Variants in GPC5 observed in about 807,000 individuals in gnomAD.
GPC5 encodes glypican-5.
A neutral mutation model predicts 53.9 loss-of-function variants in GPC5; 47 were observed. The observed-to-expected ratio is 0.87, with a 90% CI of 0.69 to 1.11. The LOEUF (loss-of-function observed/expected upper bound fraction) is 1.11. Ranked by LOEUF, GPC5 falls within the 50% of genes most tolerant of loss-of-function variation. GPC5 has a pLI of 0.00. For synonymous variants in GPC5, 286 were observed against 263.3 expected (o/e 1.09, Z -0.84); for missense variants, 748 against 713.1 (o/e 1.05, Z -0.56).
intron 7 of GPC5, among the ~76,000 whole-genome samples, chr13:92,456,888 A>G (rs1461290063): frequency 1.4e-4 from 21 of 152,130 alleles, no homozygotes; most frequent in Admixed American, 1.4e-3. Context: ...GTACATGTGC[A>G]TGTTTGTTAC....
intron 6 of GPC5, among the ~76,000 whole-genome samples, chr13:91,982,551 A>G (rs1278086452): frequency 2.0e-5 from 3 of 152,218 alleles, no homozygotes; most frequent in Non-Finnish European, 4.4e-5. Flanking sequence ...GCTGAAGAGC[A>G]TTAACATACA....
At chr13:92,665,585 G>T (rs1886540804) in intron 7 of GPC5, among the ~76,000 whole-genome samples, 1 of 152,128 alleles carries the variant, frequency 6.6e-6, no homozygotes. Flanking sequence ...AAGAAATGTT[G>T]AAGGGTTGTC....
At chr13:92,468,248 C>T (rs1878777969) in intron 7 of GPC5, among the ~76,000 whole-genome samples, 2 of 152,046 alleles carry the variant, frequency 1.3e-5, no homozygotes, top group Admixed American at 1.3e-4. Context: ...TATTGCTTCC[C>T]TTCAAGGGAA....
intron 1 of GPC5, among the ~76,000 whole-genome samples, chr13:91,444,793 T>C (rs538422758): frequency 1.2e-3 from 187 of 152,326 alleles, no homozygotes; most frequent in African/African-American, 4.4e-3. Context: ...CCTTCTTTTC[T>C]ATCATGGGTC....
intron 2 of GPC5, among the ~76,000 whole-genome samples, chr13:91,676,681 C>A (rs1458022049): frequency 6.6e-6 from 1 of 152,152 alleles, no homozygotes; most frequent in Non-Finnish European, 1.5e-5. Flanking sequence ...AACAGTGAAA[C>A]AGGCTTCGTG....
At chr13:92,128,194 G>T (rs544100652) in intron 6 of GPC5, among the ~76,000 whole-genome samples, 7 of 152,032 alleles carry the variant, frequency 4.6e-5, no homozygotes, top group Non-Finnish European at 8.8e-5. Flanking sequence ...CTCCTATATG[G>T]TTCTCAGGGT....
At chr13:92,846,523 A>C (rs73630971) in intron 7 of GPC5, among the ~76,000 whole-genome samples, 114 of 152,310 alleles carry the variant, frequency 7.5e-4, no homozygotes, top group Middle Eastern at 3.4e-3. Flanking sequence ...TGGCATCCAC[A>C]ATCACTGCTG....
intron 2 of GPC5, among the ~76,000 whole-genome samples, chr13:91,556,427 C>T (rs896285855): frequency 1.3e-5 from 2 of 151,782 alleles, no homozygotes; most frequent in Non-Finnish European, 2.9e-5. Flanking sequence ...TACTTGCACA[C>T]CCATGTTTAT....
chr13:92,375,588 C>T (rs2043687728), intron 7 of GPC5, among the ~76,000 whole-genome samples: 2 of 152,170 alleles, frequency 1.3e-5, no homozygotes, highest in South Asian at 4.1e-4. Context: ...GAGAAACAGG[C>T]CTGTATATGA....
chr13:92,234,680 G>A lies in GPC5; in HGVS notation c.1561+89691G>A, dbSNP rs78406472. On this transcript the variant is annotated intron_variant, in intron 7 of 7. Coordinates refer to ENST00000377067, the MANE Select transcript of GPC5 (RefSeq NM_004466.6). ...ATAAGGGTTACTTTATTAATTGTATGGATCCATTGCAGCATCAATTCCCTG... is the reference window on the plus strand; with the variant it reads ...ATAAGGGTTACTTTATTAATTGTATAGATCCATTGCAGCATCAATTCCCTG... Among the ~76,000 whole-genome samples the A allele has an allele frequency of 3.2e-4, 48 of 152,128 alleles. No homozygotes were observed. The East Asian group carries it at 6.8e-3, about 21-fold the overall frequency.
At chr13:91,442,025 G>C (rs892541662) in intron 1 of GPC5, among the ~76,000 whole-genome samples, 1 of 152,136 alleles carries the variant, frequency 6.6e-6, no homozygotes, top group Non-Finnish European at 1.5e-5. Context: ...CTAGAGGAGA[G>C]GTAAATGTTG....
intron 2 of GPC5, among the ~76,000 whole-genome samples, chr13:91,488,999 C>T (rs542775063): frequency 6.6e-6 from 1 of 152,284 alleles, no homozygotes; most frequent in East Asian, 1.9e-4. Flanking sequence ...TCCTGTAGCA[C>T]TCCCAGGCTT....
chr13:92,013,645 G>A (rs1208442164), intron 6 of GPC5, among the ~76,000 whole-genome samples: 2 of 152,098 alleles, frequency 1.3e-5, no homozygotes, highest in East Asian at 3.9e-4. Context: ...TTTCACCAGG[G>A]ACCTGCCCCT....
At chr13:91,452,668 T>A (rs1399688342) in intron 2 of GPC5, among the ~76,000 whole-genome samples, 4 of 152,116 alleles carry the variant, frequency 2.6e-5, no homozygotes, top group Non-Finnish European at 5.9e-5. Context: ...TAGGGGAAAT[T>A]GATGGAGAGT....
At chr13:91,496,229 G>A (rs988646979) in intron 2 of GPC5, among the ~76,000 whole-genome samples, 4 of 152,124 alleles carry the variant, frequency 2.6e-5, no homozygotes, top group Non-Finnish European at 1.5e-5. Flanking sequence ...TATTCAGTAG[G>A]TGGCATGTTA....
At chr13:91,765,650 A>G (rs886436490) in intron 5 of GPC5, among the ~76,000 whole-genome samples, 8 of 152,260 alleles carry the variant, frequency 5.3e-5, no homozygotes, top group Non-Finnish European at 1.0e-4. Context: ...TTCACAAAAC[A>G]CATTCACAGC....
chr13:92,120,295 C>T (rs1216980204), intron 6 of GPC5, among the ~76,000 whole-genome samples: 1 of 152,182 alleles, frequency 6.6e-6, no homozygotes, highest in Non-Finnish European at 1.5e-5. Context: ...GAGATGAGGT[C>T]TCTGTCACCC....
At chr13:92,183,968 A>T in intron 7 of GPC5, among the ~76,000 whole-genome samples, 1 of 152,156 alleles carries the variant, frequency 6.6e-6, no homozygotes, top group East Asian at 1.9e-4. Flanking sequence ...AATTTAAATT[A>T]TATCATATTT....
chr13:91,663,431 C>T (rs1336884610), intron 2 of GPC5, among the ~76,000 whole-genome samples: 2 of 151,832 alleles, frequency 1.3e-5, no homozygotes, highest in Admixed American at 6.6e-5. Context: ...CCTCTTTTTT[C>T]CCCCTGAATT....
Sources: allele counts gnomAD v4.1 joint callset (sites outside exome capture counted in the v4.1 genomes callset), GRCh38; gene constraint gnomAD v4.1.1; transcripts MANE v1.5; gene names NCBI Gene and HGNC (gene_info 2026-07-23, HGNC 2026-07-21).